Variants in PACRG observed in about 807,000 individuals in gnomAD.
The protein encoded by PACRG is parkin coregulated gene protein.
Under a neutral mutation model 29.7 loss-of-function variants are expected in PACRG, and 29 were observed. The observed-to-expected ratio is 0.98, with a 90% CI of 0.73 to 1.33. The LOEUF is 1.33. Ranked by LOEUF, PACRG falls within the 40% of genes most tolerant of loss-of-function variation. PACRG has a pLI of 0.00. For missense variants in PACRG, 279 were observed against 316.2 expected, an observed-to-expected ratio of 0.88 and a Z score of 0.89; for synonymous variants, 116 against 118.7, an observed-to-expected ratio of 0.98 and a Z score of 0.15.
At chr6:162,727,542 C>T (rs1036584200), upstream of PACRG, 41 of 1,124,836 alleles carry the variant, frequency 3.6e-5, no homozygotes, top group Admixed American at 4.2e-5. Context: ...ACGGCACGGG[C>T]ACTTTGGCCC....
intron 1 of PACRG, among the ~76,000 whole-genome samples, chr6:162,755,250 G>A (rs1781818807): frequency 6.6e-6 from 1 of 151,722 alleles, no homozygotes; most frequent in South Asian, 2.1e-4. Context: ...TGTTAGTTTG[G>A]TTGTTTTTAA....
chr6:162,776,830 A>G (rs1783680489), intron 1 of PACRG, among the ~76,000 whole-genome samples: 1 of 152,146 alleles, frequency 6.6e-6, no homozygotes, highest in African/African-American at 2.4e-5. Flanking sequence ...CTCAGGTAAA[A>G]ATATTTGTGA....
At chr6:163,217,301 A>G (rs750016250) in intron 4 of PACRG, among the ~76,000 whole-genome samples, 4 of 152,186 alleles carry the variant, frequency 2.6e-5, no homozygotes, top group Non-Finnish European at 4.4e-5. Flanking sequence ...CTCACCCCCA[A>G]CGGGAGCCCA....
chr6:162,943,515 C>T (rs1024259085), intron 2 of PACRG, among the ~76,000 whole-genome samples: 4 of 152,176 alleles, frequency 2.6e-5, no homozygotes, highest in African/African-American at 9.7e-5. Flanking sequence ...CTGCTCTCCT[C>T]AGTAGCAGGG....
At chr6:163,289,380 A>G (rs1475007977) in intron 4 of PACRG, among the ~76,000 whole-genome samples, 2 of 152,186 alleles carry the variant, frequency 1.3e-5, no homozygotes, top group Non-Finnish European at 2.9e-5. Context: ...TAGGGACATT[A>G]TAGGTTAAGA....
chr6:163,273,252 C>A (rs1783908267), intron 4 of PACRG, among the ~76,000 whole-genome samples: 1 of 152,144 alleles, frequency 6.6e-6, no homozygotes. Flanking sequence ...TTAAGGATTT[C>A]ATAAGTGACA....
At chr6:163,253,993 A>G (rs1783008892) in intron 4 of PACRG, among the ~76,000 whole-genome samples, 1 of 152,188 alleles carries the variant, frequency 6.6e-6, no homozygotes, top group African/African-American at 2.4e-5. Context: ...CTTGGGGACA[A>G]GGGAGGATCC....
At chr6:163,009,491 A>G (rs1168123632) in intron 2 of PACRG, among the ~76,000 whole-genome samples, 6 of 152,236 alleles carry the variant, frequency 3.9e-5, no homozygotes, top group African/African-American at 1.4e-4. Context: ...AATGATTTCA[A>G]TAGCAATAAA....
At chr6:163,263,594 C>T (rs534914683) in intron 4 of PACRG, among the ~76,000 whole-genome samples, 1 of 152,262 alleles carries the variant, frequency 6.6e-6, no homozygotes, top group South Asian at 2.1e-4. Context: ...TCACATTAGG[C>T]AGAATTTTTT....
At chr6:163,063,355 A>C (rs1214989006) in intron 3 of PACRG, among the ~76,000 whole-genome samples, 1 of 151,588 alleles carries the variant, frequency 6.6e-6, no homozygotes, top group Non-Finnish European at 1.5e-5. Flanking sequence ...CTCATCTTCC[A>C]CTCCAGGATG....
At chr6:162,875,004 T>C (rs1019530497) in intron 2 of PACRG, among the ~76,000 whole-genome samples, 3 of 151,898 alleles carry the variant, frequency 2.0e-5, no homozygotes, top group Admixed American at 2.0e-4. Context: ...CATACATTCA[T>C]ACACATGTAT....
chr6:163,169,211 A>G (rs952754855), intron 4 of PACRG, among the ~76,000 whole-genome samples: 1 of 152,242 alleles, frequency 6.6e-6, no homozygotes, highest in Non-Finnish European at 1.5e-5. Context: ...CATGATGATC[A>G]GGATGAGTCT....
At chr6:162,762,087 T>C (rs1782419218) in intron 1 of PACRG, among the ~76,000 whole-genome samples, 1 of 152,064 alleles carries the variant, frequency 6.6e-6, no homozygotes, top group Admixed American at 6.6e-5. Flanking sequence ...ATGTTCATTG[T>C]ATCACCATCC....
intron 2 of PACRG, among the ~76,000 whole-genome samples, chr6:162,820,563 T>C (rs1033929959): frequency 2.0e-5 from 3 of 152,238 alleles, no homozygotes; most frequent in Non-Finnish European, 2.9e-5. Flanking sequence ...GCTATCAGAA[T>C]ATTCACAAGA....
At chr6:163,014,904 A>C (rs775065860) in intron 2 of PACRG, among the ~76,000 whole-genome samples, 15 of 152,138 alleles carry the variant, frequency 9.9e-5, no homozygotes, top group South Asian at 2.1e-4. Flanking sequence ...TTGAGGACTT[A>C]GTCATAAATT....
intron 2 of PACRG, among the ~76,000 whole-genome samples, chr6:163,031,211 C>T (rs1260613254): frequency 6.6e-6 from 1 of 152,158 alleles, no homozygotes. Context: ...AAGAGTACAG[C>T]AGCAATATAT....
At position 162,785,408 on chromosome 6, in the gene PACRG, G is replaced by C. The variant is rs1346794540; in HGVS notation, c.157-28739G>C. On this transcript the variant is annotated intron_variant, in intron 1 of 4. Transcript: ENST00000366888. The stretch of plus-strand genomic sequence containing the variant: ...CCTTAATTTCCTATACAAACCCTTG[G>C]ATCTTTAAACTTGCAAAGCAAGAAG... 2.6e-5 allele frequency among the ~76,000 whole-genome samples: 4 copies of C among 152,168 alleles called. No homozygotes were observed. The East Asian group carries it at 5.8e-4, about 22-fold the overall frequency.
At chr6:163,206,254 G>A (rs77499946) in intron 4 of PACRG, among the ~76,000 whole-genome samples, 25 of 152,104 alleles carry the variant, frequency 1.6e-4, no homozygotes, top group East Asian at 9.7e-4. Context: ...ATAAAGACAC[G>A]TGCACGTGTA....
At chr6:163,081,068 G>A (rs1813031868) in intron 3 of PACRG, among the ~76,000 whole-genome samples, 1 of 152,008 alleles carries the variant, frequency 6.6e-6, no homozygotes, top group African/African-American at 2.4e-5. Flanking sequence ...TGTTATGGAA[G>A]GAGAAAAATT....
Sources: allele counts gnomAD v4.1 joint callset (sites outside exome capture counted in the v4.1 genomes callset), GRCh38; gene constraint gnomAD v4.1.1; transcripts MANE v1.5; gene names NCBI Gene and HGNC (gene_info 2026-07-23, HGNC 2026-07-21).